Variants in IQGAP2 observed in about 807,000 individuals in gnomAD.
IQGAP2 encodes the protein ras GTPase-activating-like protein IQGAP2.
In IQGAP2, 173 loss-of-function variants were observed where a neutral mutation model predicts 201.3. The ratio of observed to expected loss-of-function variants is 0.86; its 90% CI spans 0.76 to 0.98. The LOEUF (loss-of-function observed/expected upper bound fraction) is 0.98. Ranked by LOEUF, IQGAP2 falls within the 50% of genes least tolerant of loss-of-function variation. The probability of loss-of-function intolerance (pLI) is 0.00; values close to 1 mark genes in which losing one functional copy is unlikely to be tolerated. For synonymous variants in IQGAP2, 675 were observed against 673.9 expected, an observed-to-expected ratio of 1.00 and a Z score of -0.03; for missense variants, 1,687 against 1,864.8, an observed-to-expected ratio of 0.90 and a Z score of 1.76.
At chr5:76,682,640 A>C (rs1745404276) in intron 28 of IQGAP2, among the ~76,000 whole-genome samples, 1 of 152,202 alleles carries the variant, frequency 6.6e-6, no homozygotes, top group Admixed American at 6.5e-5. Flanking sequence ...GGTCTCTTAC[A>C]TCCTTACCCA....
chr5:76,466,763 A>T (rs1022864622), intron 2 of IQGAP2, among the ~76,000 whole-genome samples: 1 of 152,234 alleles, frequency 6.6e-6, no homozygotes, highest in African/African-American at 2.4e-5. Flanking sequence ...AGAAGAAAAC[A>T]GGAGTAAATC....
At position 76,482,201 on chromosome 5, in the gene IQGAP2, G is replaced by A. The variant is rs144304402; in HGVS notation, c.146+20532G>A. Among the ~76,000 whole-genome samples the A allele has an allele frequency of 2.0e-5, 3 of 152,292 alleles. No individual in the cohort carries two copies. The East Asian group carries it at 5.8e-4, about 29-fold the overall frequency. On this transcript the variant is annotated intron_variant, in intron 2 of 35. Coordinates refer to ENST00000274364, the MANE Select transcript of IQGAP2 (RefSeq NM_006633.5). The stretch of plus-strand genomic sequence containing the variant: ...TTTCCCAGGGTGAGTGGATGATAGC[G>A]TGGCATCTTTGCAGGAAGAGCTTGT...
At position 76,647,852 on chromosome 5, in the gene IQGAP2, A is replaced by ACACACACAC. The variant is rs558983752; in HGVS notation, c.2095-4898_2095-4897insCACACACAC. 1.0e-3 allele frequency among the ~76,000 whole-genome samples: 144 copies of ACACACACAC among 142,948 alleles called. 1 individual carries two copies. Among genetic ancestry groups the ACACACACAC allele is most frequent in the African/African-American group, 3.7e-3 (138 of 37,092 alleles). 93.8% of individuals were successfully genotyped at this position (142,948 alleles called of 152,430 possible). ...ACACACACACACACACACACACACAAACGAAAAAAACTGTAATGCCTCCAC... is the reference window on the plus strand; with the variant it reads ...ACACACACACACACACACACACACAACACACACACACGAAAAAAACTGTAATGCCTCCAC... On this transcript the variant is annotated intron_variant, in intron 17 of 35. Coordinates refer to ENST00000274364, the MANE Select transcript of IQGAP2 (RefSeq NM_006633.5).
At chr5:76,454,811 A>G (rs1355205488) in intron 1 of IQGAP2, among the ~76,000 whole-genome samples, 1 of 152,078 alleles carries the variant, frequency 6.6e-6, no homozygotes, top group Non-Finnish European at 1.5e-5. Flanking sequence ...TATACCCAGT[A>G]ATGGGATGGC....
intron 1 of IQGAP2, among the ~76,000 whole-genome samples, chr5:76,458,554 C>G (rs1278624041): frequency 6.6e-6 from 1 of 152,148 alleles, no homozygotes; most frequent in Admixed American, 6.6e-5. Context: ...GTGTTCTCTC[C>G]CATTCAAGGA....
chr5:76,570,989 G>A (rs1745075252), intron 4 of IQGAP2, among the ~76,000 whole-genome samples: 2 of 151,676 alleles, frequency 1.3e-5, no homozygotes, highest in East Asian at 3.9e-4. Flanking sequence ...AGCCACTTTT[G>A]GTGGCTCATG....
chr5:76,597,208 A>G, intron 9 of IQGAP2: 2 of 534,812 alleles, frequency 3.7e-6, no homozygotes, highest in South Asian at 2.3e-5. Context: ...ATGATCTCAT[A>G]CCCTAAGCTC....
chr5:76,561,422 G>T (rs1200508433), intron 2 of IQGAP2, among the ~76,000 whole-genome samples: 2 of 152,202 alleles, frequency 1.3e-5, no homozygotes, highest in East Asian at 1.9e-4. Context: ...TACTGTTTAA[G>T]TGTTGGCAGG....
chr5:76,516,759 AT>A (rs1432001402), intron 2 of IQGAP2, among the ~76,000 whole-genome samples: 10 of 152,318 alleles, frequency 6.6e-5, no homozygotes, highest in African/African-American at 2.4e-4. Context: ...ATCTTTGAAA[AT>A]TTACACATGG....
chr5:76,615,188 TTC>T (rs1283924760), intron 13 of IQGAP2, among the ~76,000 whole-genome samples: 1 of 152,226 alleles, frequency 6.6e-6, no homozygotes, highest in Non-Finnish European at 1.5e-5. Flanking sequence ...CACCAAAAAG[TTC>T]TGTTTTGCTC....
At chr5:76,624,579 A>G (rs1348263468) in intron 13 of IQGAP2, 1 of 152,210 alleles carries the variant, frequency 6.6e-6, no homozygotes, top group Non-Finnish European at 1.5e-5. Flanking sequence ...TAAAATATTG[A>G]CAAAGGTTTT....
intron 2 of IQGAP2, among the ~76,000 whole-genome samples, chr5:76,464,859 C>G (rs931867604): frequency 1.3e-5 from 2 of 151,956 alleles, no homozygotes; most frequent in African/African-American, 2.4e-5. Context: ...AAAACTGACT[C>G]AATAAGAGAC....
At chr5:76,674,389 A>T (rs140568341) in intron 26 of IQGAP2, 88 bp from the exon 27 acceptor site, 1 of 716,110 alleles carries the variant, frequency 1.4e-6, no homozygotes, top group African/African-American at 1.8e-5. Flanking sequence ...GAAATGTAGG[A>T]GAATATATAT....
chr5:76,606,490 G>A (rs548549820), intron 12 of IQGAP2, 187 bp downstream of exon 12: 11 of 358,926 alleles, frequency 3.1e-5, no homozygotes, highest in Admixed American at 4.7e-5. Flanking sequence ...TGTTATAAAC[G>A]TTACAAAGCC....
chr5:76,495,431 G>C (rs1390237425), intron 2 of IQGAP2, among the ~76,000 whole-genome samples: 2 of 152,240 alleles, frequency 1.3e-5, no homozygotes, highest in African/African-American at 4.8e-5. Flanking sequence ...TCAGTTCCTG[G>C]AGGGCAGAGG....
At chr5:76,623,427 G>A (rs999463131) in intron 13 of IQGAP2, 3 of 604,994 alleles carry the variant, frequency 5.0e-6, no homozygotes, top group Non-Finnish European at 8.7e-6. Flanking sequence ...CGATGCTTCA[G>A]TAAGCATGAC....
intron 15 of IQGAP2, among the ~76,000 whole-genome samples, chr5:76,635,719 T>G (rs562493525): frequency 1.3e-5 from 2 of 152,002 alleles, no homozygotes; most frequent in Non-Finnish European, 2.9e-5. Flanking sequence ...CATGATCCTG[T>G]GGTCCCAGCT....
intron 32 of IQGAP2, among the ~76,000 whole-genome samples, 157 bp downstream of exon 32, chr5:76,695,823 A>G (rs1746679210): frequency 1.4e-5 from 2 of 147,162 alleles, no homozygotes; most frequent in Admixed American, 6.8e-5. Flanking sequence ...AAGGTTTCAA[A>G]GCAGTTGATG....
Position 76,682,907 on chromosome 5 carries a change from G to A in IQGAP2, c.3661-208G>A, listed in dbSNP as rs561030007. 7.2e-5 allele frequency among the ~76,000 whole-genome samples: 11 copies of A among 152,190 alleles called. No individual in the cohort carries two copies. In the East Asian group the frequency reaches 1.7e-3, roughly 24 times the overall value. ...TTGCTGAAAAAGGGTTTATGAACAC[G>A]TTTCTTGCAACAATTTCTTGATGTA... On this transcript the variant is annotated intron_variant, in intron 28 of 35. Transcript: ENST00000274364.
Sources: allele counts gnomAD v4.1 joint callset (sites outside exome capture counted in the v4.1 genomes callset), GRCh38; gene constraint gnomAD v4.1.1; transcripts MANE v1.5; gene names NCBI Gene and HGNC (gene_info 2026-07-23, HGNC 2026-07-21).